Variants in GNL1 observed in about 807,000 individuals in gnomAD.
GNL1 encodes the protein G protein nucleolar 1, also known as guanine nucleotide-binding protein-like 1.
A neutral mutation model predicts 75.2 loss-of-function variants in GNL1; 21 were observed. That is an observed-to-expected ratio of 0.28 (90% CI 0.20 to 0.40). The LOEUF (loss-of-function observed/expected upper bound fraction) is 0.40, where lower values mean the gene tolerates loss of function less well. Among genes scored for constraint, GNL1 ranks in the 10% least tolerant of loss-of-function variants. The pLI, the probability that GNL1 is intolerant of heterozygous loss-of-function variation, is 1.00. For missense variants in GNL1, 579 were observed against 775.0 expected (o/e 0.75, Z 3.00); for synonymous variants, 287 against 303.4 (o/e 0.95, Z 0.56).
rs555475626 is a variant in GNL1 at position 30,545,658 on chromosome 6, G to C, written c.*414C>G. On this transcript the variant is annotated 3_prime_UTR_variant, in exon 12 of 12. Transcript: ENST00000376621. ...ACTGTTCCTTCTCCCAGAAGCTCCT[G>C]GAATGAGCAGGTCTGGCGGCAGGGG... 7.5e-4 allele frequency: 165 copies of C among 219,090 alleles called. 1 individual carries two copies. The highest frequency in any genetic ancestry group is 3.3e-3 in the African/African-American group (140 of 42,276). The allele number at this position is 219,090 out of a possible 1,614,324, so 13.6% of individuals were successfully genotyped here.
In GNL1 at chr6:30,554,848, C is replaced by A. The variant is rs1367231965; in HGVS notation, c.444G>T (p.Glu148Asp). 1 of 1,612,348 alleles carries A rather than the reference C, an allele frequency of 6.2e-7. No homozygotes were observed. The highest frequency in any genetic ancestry group is 1.3e-5 in the African/African-American group (1 of 74,914). The change falls in exon 4 of 12, where the codon GAG becomes GAT. Residue 148 changes from glutamate (E) to aspartate (D), a missense_variant. Physicochemically the swap from Glu to Asp is conservative, Grantham distance 45 (BLOSUM62 2). Transcript: ENST00000376621. ...CAAGATAGTCTTGGAAGCTCCGTTCCTCTTGGCTCATTAGTTGCTCCTTGG... is the reference window on the plus strand; with the variant it reads ...CAAGATAGTCTTGGAAGCTCCGTTCATCTTGGCTCATTAGTTGCTCCTTGG... ...EMSKEQLMSQ[E>D]ERSFQDYLGK... is the part of the protein sequence containing the mutation.
Position 30,554,827 on chromosome 6 carries a change from A to C in GNL1, c.465T>G (p.Tyr155Ter). The C allele has an allele frequency of 6.2e-7, 1 of 1,612,602 alleles. No homozygotes were observed. Among genetic ancestry groups the C allele is most frequent in the East Asian group, 2.2e-5 (1 of 44,888 alleles). ...MSQEERSFQD[Y>*]LGKIHGAYSS... is the part of the protein sequence containing the mutation. ...AGTAAGCCCCATGAATCTTCCCAAGATAGTCTTGGAAGCTCCGTTCCTCTT... is the reference window on the plus strand; with the variant it reads ...AGTAAGCCCCATGAATCTTCCCAAGCTAGTCTTGGAAGCTCCGTTCCTCTT... The change falls in exon 4 of 12, where the codon TAT (tyrosine) becomes TAG (stop). Residue 155 changes from tyrosine to a stop codon, truncating the protein, a stop_gained. Transcript: ENST00000376621. LOFTEE classifies it high-confidence loss of function.
Position 30,546,877 on chromosome 6 carries a change from C to T in GNL1, c.1442-41G>A, listed in dbSNP as rs1398212789. 6.5e-7 allele frequency: 1 copy of T among 1,534,348 alleles called. No individual in the cohort carries two copies. The highest frequency in any genetic ancestry group is 1.4e-5 in the African/African-American group (1 of 72,812). ...AATAATGGAAAGGGAAAGCATTAACCAGGTACCAGTTATACTCCCACTCCC... is the reference window on the plus strand; with the variant it reads ...AATAATGGAAAGGGAAAGCATTAACTAGGTACCAGTTATACTCCCACTCCC... On this transcript the variant is annotated intron_variant, in intron 10 of 11. Transcript: ENST00000376621. The surrounding 1 kb of genome is among the most constrained non-coding windows in gnomAD (Gnocchi z 5.1).
At position 30,552,998 on chromosome 6, in the gene GNL1, T is replaced by G; in HGVS notation, c.904+86A>C. The stretch of plus-strand genomic sequence containing the variant: ...CTTGCACATATCCACCATAGAGGGG[T>G]TGGCTTCAGGAAAGGTGAGCAAAAT... On this transcript the variant is annotated intron_variant, in intron 7 of 11. Transcript: ENST00000376621. This position sits in a 1 kb window ranked among gnomAD's most constrained non-coding sequence, Gnocchi z 4.5. 5 of 919,636 alleles carry G rather than the reference T, an allele frequency of 5.4e-6. No homozygotes were observed. Among genetic ancestry groups the G allele is most frequent in the Non-Finnish European group, 8.7e-6 (5 of 572,082 alleles). 57.0% of individuals were successfully genotyped at this position (919,636 alleles called of 1,614,324 possible). A position where few individuals can be genotyped will look rare whatever the true frequency, so the allele number is the denominator to read the frequency against.
Position 30,555,838 on chromosome 6 carries a change from CCAGA to C in GNL1, c.74-122_74-119del. On this transcript the variant is annotated intron_variant, in intron 1 of 11. Coordinates refer to ENST00000376621, the MANE Select transcript of GNL1 (RefSeq NM_005275.5). This position sits in a 1 kb window ranked among gnomAD's most constrained non-coding sequence, Gnocchi z 4.3. The stretch of plus-strand genomic sequence containing the variant: ...CAACTTCTTCCGATGTTCAGTCCTC[CCAGA>C]CACCCTATTTGGGACCCTCCCGGAT... The C allele has an allele frequency of 8.9e-7, 1 of 1,120,740 alleles. No individual in the cohort carries two copies. The allele number at this position is 1,120,740 out of a possible 1,614,324, so 69.4% of individuals were successfully genotyped here. A position where few individuals can be genotyped will look rare whatever the true frequency, so the allele number is the denominator to read the frequency against.
Position 30,552,637 on chromosome 6 carries a change from T to C in GNL1, c.929A>G (p.Lys310Arg), listed in dbSNP as rs1375553259. The change falls in exon 8 of 12, where the codon AAG (lysine) becomes AGG (arginine). Residue 310 changes from lysine (K) to arginine (R), a missense_variant. Coordinates refer to ENST00000376621, the MANE Select transcript of GNL1 (RefSeq NM_005275.5). The surrounding 1 kb of genome is among the most constrained non-coding windows in gnomAD (Gnocchi z 4.5). ...GGCCCCAGCCACATCCCGAGCAATCTTCTCCCGCCAGCTGCTCAAGTCCAC... is the reference window on the plus strand; with the variant it reads ...GGCCCCAGCCACATCCCGAGCAATCCTCTCCCGCCAGCTGCTCAAGTCCAC... The part of the protein sequence containing the change: ...GKVDLSSWRE[K>R]IARDVAGATW... The C allele has an allele frequency of 6.2e-7, 1 of 1,613,794 alleles. No homozygotes were observed. The highest frequency in any genetic ancestry group is 1.3e-5 in the African/African-American group (1 of 75,028).
chr6:30,555,420 G>A lies in GNL1; in HGVS notation c.239+135C>T, dbSNP rs1353715778. The A allele has an allele frequency of 3.0e-6, 3 of 1,007,636 alleles. No individual in the cohort carries two copies. Among genetic ancestry groups the A allele is most frequent in the Non-Finnish European group, 4.4e-6 (3 of 675,342 alleles). 62.4% of individuals were successfully genotyped at this position (1,007,636 alleles called of 1,614,324 possible). Reference sequence around the variant, plus strand: ...GGAAAGGAAGACTGTGGCCCGCTGTGGGGAGCCGAGTGGCTAGCGGAGAAC... The same window carrying A: ...GGAAAGGAAGACTGTGGCCCGCTGTAGGGAGCCGAGTGGCTAGCGGAGAAC... On this transcript the variant is annotated intron_variant, in intron 2 of 11. Transcript: ENST00000376621. This position sits in a 1 kb window ranked among gnomAD's most constrained non-coding sequence, Gnocchi z 4.3.
rs968529664 is a variant in GNL1 at position 30,543,848 on chromosome 6, C to T, written c.*2224G>A. On this transcript the variant is annotated 3_prime_UTR_variant, in exon 12 of 12. Coordinates refer to ENST00000376621, the MANE Select transcript of GNL1 (RefSeq NM_005275.5). ...GGAAAAAGGGAAACTTGGAAGTTGA[C>T]ATCTAAATGAAATTCCAGCATGGAT... The T allele has an allele frequency of 3.9e-5, 6 of 152,174 alleles. No homozygotes were observed. Among genetic ancestry groups the T allele is most frequent in the African/African-American group, 1.4e-4 (6 of 41,446 alleles). 9.4% of individuals were successfully genotyped at this position (152,174 alleles called of 1,614,324 possible).
intron 8 of GNL1, among the ~76,000 whole-genome samples, chr6:30,551,361 T>C (rs1475150820): frequency 6.6e-6 from 1 of 152,088 alleles, no homozygotes; most frequent in Non-Finnish European, 1.5e-5. Context: ...GTAAGGCAGG[T>C]TCTTCCAAAG....
In GNL1 at chr6:30,553,658, G is replaced by A. The variant is rs6908888; in HGVS notation, c.601-101C>T. On this transcript the variant is annotated intron_variant, in intron 5 of 11. Coordinates refer to ENST00000376621, the MANE Select transcript of GNL1 (RefSeq NM_005275.5). ...AGGTGTAGCTCAGAGACAAGGCCCT[G>A]GTGGTAGCAGACTCTGGGCTAAAAA... The A allele has an allele frequency of 2.1e-4, 165 of 773,926 alleles. No individual in the cohort carries two copies. The African/African-American group carries it at 2.6e-3, about 12-fold the overall frequency. 47.9% of individuals were successfully genotyped at this position (773,926 alleles called of 1,614,324 possible).
chr6:30,547,272 A>T lies in GNL1; in HGVS notation c.1281T>A (p.Val427=). ...GGGCGATAGGGTAGATCCCTGCCAGAACCTGAGGGAAATGAGCACTCAGTA... is the reference window on the plus strand; with the variant it reads ...GGGCGATAGGGTAGATCCCTGCCAGTACCTGAGGGAAATGAGCACTCAGTA... ...FPSLLPRQLQ[V]LAGIYPIAQI... Residue 427 remains valine, a splice_region_variant and synonymous_variant, in exon 10 of 12, where the codon GTT becomes GTA. Transcript: ENST00000376621. This position sits in a 1 kb window ranked among gnomAD's most constrained non-coding sequence, Gnocchi z 5.5. The T allele has an allele frequency of 6.3e-7, 1 of 1,588,610 alleles. No individual in the cohort carries two copies. The highest frequency in any genetic ancestry group is 8.6e-7 in the Non-Finnish European group (1 of 1,167,190).
chr6:30,548,001 C>T lies in GNL1; in HGVS notation c.1100-471G>A, dbSNP rs924684079. On this transcript the variant is annotated intron_variant, in intron 8 of 11. Transcript: ENST00000376621. The surrounding 1 kb of genome is among the most constrained non-coding windows in gnomAD (Gnocchi z 4.2). ...GACCAGCCTGGCCAACATGGTGAAA[C>T]CCCATCTCTACTAAAAATACAAAAA... 6.6e-6 allele frequency among the ~76,000 whole-genome samples: 1 copy of T among 152,050 alleles called. No individual in the cohort carries two copies. The highest frequency in any genetic ancestry group is 1.5e-5 in the Non-Finnish European group (1 of 68,010).
At position 30,547,501 on chromosome 6, in the gene GNL1, TC is replaced by T; in HGVS notation, c.1128del (p.Ile377SerfsTer10). On this transcript the variant is annotated frameshift_variant, in exon 9 of 12. Transcript: ENST00000376621. LOFTEE classifies it high-confidence loss of function. The surrounding 1 kb of genome is among the most constrained non-coding windows in gnomAD (Gnocchi z 5.5). ...VGFPNVGKSSLINGLVGRKVV... is the reference protein window; with the variant it reads ...VGFPNVGKSSXINGLVGRKVV... Reference sequence around the variant, plus strand: ...ACTTTCCGCCCCACCAGCCCATTGATCAGCGAGGACTTTCCCACATTAGGGA... The same window carrying T: ...ACTTTCCGCCCCACCAGCCCATTGATAGCGAGGACTTTCCCACATTAGGGA... The T allele has an allele frequency of 6.2e-7, 1 of 1,612,502 alleles. No homozygotes were observed. Among genetic ancestry groups the T allele is most frequent in the Non-Finnish European group, 8.5e-7 (1 of 1,179,576 alleles).
In GNL1 at chr6:30,555,109, C is replaced by T. The variant is rs1293257583; in HGVS notation, c.322G>A (p.Val108Ile). 4 of 1,613,062 alleles carry T rather than the reference C, an allele frequency of 2.5e-6. No homozygotes were observed. The highest frequency in any genetic ancestry group is 3.4e-6 in the Non-Finnish European group (4 of 1,180,022). The change falls in exon 3 of 12, where the codon GTC (valine) becomes ATC (isoleucine). Residue 108 changes from valine (V) to isoleucine (I), a missense_variant. By Grantham distance (29) the Val-to-Ile change is conservative (BLOSUM62 3). Transcript: ENST00000376621. This position sits in a 1 kb window ranked among gnomAD's most constrained non-coding sequence, Gnocchi z 4.3. ...RAAREQVLQPVSAELLELDIR... is the reference protein window; with the variant it reads ...RAAREQVLQPISAELLELDIR... ...TCCAGCTCCAACAACTCAGCACTGA[C>T]CGGCTGTAGAACTTGCTCCCGGGCT...
Position 30,553,100 on chromosome 6 carries a change from G to A in GNL1, c.888C>T (p.Ala296=), listed in dbSNP as rs1799898303. 1.1e-5 allele frequency: 17 copies of A among 1,611,946 alleles called. No homozygotes were observed. In the East Asian group the frequency reaches 3.6e-4, roughly 34 times the overall value. Residue 296 remains alanine (A), a synonymous_variant, in exon 7 of 12, where the codon GCC becomes GCT. Transcript: ENST00000376621. ...GPEQLLRACE[A]ITVGKVDLSS... is the part of the protein sequence containing the mutation. ...GCCACATACCTTTCCCCACAGTGAT[G>A]GCTTCACAGGCTCTCAGCAACTGCT...
Position 30,554,934 on chromosome 6 carries a change from G to C in GNL1, c.377-19C>G. 6.2e-7 allele frequency: 1 copy of C among 1,612,494 alleles called. No individual in the cohort carries two copies. Among genetic ancestry groups the C allele is most frequent in the East Asian group, 2.2e-5 (1 of 44,880 alleles). On this transcript the variant is annotated intron_variant, in intron 3 of 11. Transcript: ENST00000376621. ...TCCAGAACTGGGAATTCAGGAAAAA[G>C]TCCAAGTGTGAGGAAATCTTCAGGA... is the stretch of plus-strand genomic sequence containing the variant.
rs1562716071 is a variant in GNL1, at chr6:30,555,249, TC to T, written c.240-59del. The T allele has an allele frequency of 1.2e-6, 2 of 1,603,832 alleles. No individual in the cohort carries two copies. The highest frequency in any genetic ancestry group is 1.7e-6 in the Non-Finnish European group (2 of 1,172,630). ...ATCCTGTGGCCACAAACTCCTATTTTCTCCCCTCTTGTACAATCAACTTCGC... is the reference window on the plus strand; with the variant it reads ...ATCCTGTGGCCACAAACTCCTATTTTTCCCCTCTTGTACAATCAACTTCGC... On this transcript the variant is annotated intron_variant, in intron 2 of 11. Transcript: ENST00000376621. This position sits in a 1 kb window ranked among gnomAD's most constrained non-coding sequence, Gnocchi z 4.3.
Position 30,553,356 on chromosome 6 carries a change from T to G in GNL1, c.802A>C (p.Ser268Arg). The part of the protein sequence containing the change: ...PRDPRTPQDP[S>R]SVLKKSRRRG... ...TCTCTCATTGCCCACTCACCACTAC[T>G]AGGGTCCTGTGGGGTGCGGGGGTCC... The change falls in exon 6 of 12, where the codon AGT becomes CGT. Residue 268 changes from serine (S) to arginine (R), a missense_variant. Physicochemically the swap from Ser to Arg is moderately radical, Grantham distance 110. Coordinates refer to ENST00000376621, the MANE Select transcript of GNL1 (RefSeq NM_005275.5). 1 of 1,610,648 alleles carries G rather than the reference T, an allele frequency of 6.2e-7. No individual in the cohort carries two copies. The highest frequency in any genetic ancestry group is 8.5e-7 in the Non-Finnish European group (1 of 1,178,800).
At chr6:30,549,478 G>T (rs1222779758) in intron 8 of GNL1, among the ~76,000 whole-genome samples, 2 of 151,992 alleles carry the variant, frequency 1.3e-5, no homozygotes, top group Non-Finnish European at 2.9e-5. Flanking sequence ...GATGCTATTG[G>T]GTCAGACTCT....
Sources: allele counts gnomAD v4.1 joint callset (sites outside exome capture counted in the v4.1 genomes callset), GRCh38; gene constraint gnomAD v4.1.1; non-coding constraint Gnocchi (gnomAD v3.1); transcripts MANE v1.5; gene names NCBI Gene and HGNC (gene_info 2026-07-23, HGNC 2026-07-21).